PPIG: variants seen among roughly 807,000 people sequenced by gnomAD.
The protein encoded by PPIG is peptidyl-prolyl cis-trans isomerase G.
PPIG carries 26 observed loss-of-function variants against 87.9 expected under a neutral mutation model. The ratio of observed to expected loss-of-function variants is 0.30; its 90% CI spans 0.22 to 0.41. PPIG has a LOEUF of 0.41. Among genes scored for constraint, PPIG ranks in the 10% least tolerant of loss-of-function variants. The pLI, the probability that PPIG is intolerant of heterozygous loss-of-function variation, is 1.00. For synonymous variants in PPIG, 308 were observed against 276.5 expected (o/e 1.11, Z -1.13); for missense variants, 722 against 879.4 (o/e 0.82, Z 2.26).
At chr2:169,608,555 T>C in intron 6 of PPIG, 116 bp from the exon 7 acceptor site, 1 of 545,540 alleles carries the variant, frequency 1.8e-6, no homozygotes, top group Non-Finnish European at 3.3e-6. Context: ...CTAACTTTAT[T>C]ATCTAAGTAA....
chr2:169,588,401 C>A (rs1684765660), intron 1 of PPIG, among the ~76,000 whole-genome samples: 1 of 152,068 alleles, frequency 6.6e-6, no homozygotes, highest in Non-Finnish European at 1.5e-5. Context: ...AGTACTAAAT[C>A]AGAACTTTTG....
chr2:169,604,323 C>A, intron 4 of PPIG, 62 bp downstream of exon 4: 1 of 572,882 alleles, frequency 1.7e-6, no homozygotes, highest in Non-Finnish European at 2.7e-6. Context: ...TGCTTGCTTG[C>A]TTGGTTTTTT....
chr2:169,596,536 G>A (rs1685021583), intron 1 of PPIG, among the ~76,000 whole-genome samples: 1 of 152,196 alleles, frequency 6.6e-6, no homozygotes, highest in African/African-American at 2.4e-5. Context: ...CAGTGAGGCA[G>A]GAAAGCGGAG....
intron 4 of PPIG, 30 bp downstream of exon 4, chr2:169,604,291 G>A (rs1685259516): frequency 8.8e-7 from 1 of 1,141,088 alleles, no homozygotes; most frequent in Non-Finnish European, 1.3e-6. Flanking sequence ...TGCCCTAATA[G>A]TAGTCTCAGT....
chr2:169,584,874 A>T (rs1396790625), intron 1 of PPIG: 1 of 268,838 alleles, frequency 3.7e-6, no homozygotes, highest in African/African-American at 2.4e-5. Flanking sequence ...AAGCTTCAAA[A>T]TCCTAAGACT....
intron 1 of PPIG, among the ~76,000 whole-genome samples, chr2:169,588,073 G>C (rs1329501118): frequency 6.6e-6 from 1 of 152,124 alleles, no homozygotes; most frequent in Non-Finnish European, 1.5e-5. Flanking sequence ...GCTGAGGCAG[G>C]AGAATCGCTT....
intron 1 of PPIG, among the ~76,000 whole-genome samples, chr2:169,594,681 G>T (rs1186862510): frequency 6.9e-6 from 1 of 145,660 alleles, no homozygotes; most frequent in Non-Finnish European, 1.5e-5. Context: ...CTGGAGTGCA[G>T]TGGCACAATC....
intron 1 of PPIG, among the ~76,000 whole-genome samples, chr2:169,592,949 G>C (rs541677826): frequency 4.6e-5 from 7 of 152,092 alleles, no homozygotes; most frequent in Non-Finnish European, 1.0e-4. Context: ...GATTTGTGTA[G>C]TAATTTTAAT....
chr2:169,606,216 A>G (rs776416988), intron 5 of PPIG, 70 bp downstream of exon 5: 4 of 1,117,758 alleles, frequency 3.6e-6, no homozygotes, highest in Admixed American at 1.8e-5. Flanking sequence ...ACAAGTCCCT[A>G]GAAGTTTTAG....
At chr2:169,612,493 C>T (rs2683441) in intron 7 of PPIG, among the ~76,000 whole-genome samples, 61,059 of 151,054 alleles carry the variant, frequency 0.4, 12,939 homozygotes, top group East Asian at 0.58. Flanking sequence ...ACGCCATTCT[C>T]CTGCCTCAGC....
At position 169,636,828 on chromosome 2, in the gene PPIG, G is replaced by A. The variant is rs1433782962; in HGVS notation, c.1570G>A (p.Glu524Lys). The change falls in exon 14 of 14, where the codon GAA becomes AAA. Residue 524 changes from glutamate (E) to lysine (K), a missense_variant. Glu to Lys is a moderately conservative substitution (Grantham distance 56, BLOSUM62 1). Transcript: ENST00000260970. ...SRSKEKSKQL[E>K]SKSNEHDHSK... is the part of the protein sequence containing the mutation. ...AAGTAAAGAGAAGTCTAAACAGTTA[G>A]AATCAAAGAGTAATGAGCATGATCA... The A allele has an allele frequency of 6.2e-7, 1 of 1,613,586 alleles. No individual in the cohort carries two copies.
chr2:169,607,594 C>G (rs190279375), intron 6 of PPIG, among the ~76,000 whole-genome samples: 260 of 152,122 alleles, frequency 1.7e-3, no homozygotes, highest in African/African-American at 5.9e-3. Flanking sequence ...GATGTGAAGA[C>G]CATTTGGAAA....
chr2:169,590,496 G>A (rs1196394481), intron 1 of PPIG, among the ~76,000 whole-genome samples: 2 of 152,082 alleles, frequency 1.3e-5, no homozygotes, highest in African/African-American at 4.8e-5. Flanking sequence ...CAAAAAATTA[G>A]CCGGGCGTGG....
In PPIG at chr2:169,636,402, T is replaced by G; in HGVS notation, c.1155-11T>G. On this transcript the variant is annotated splice_polypyrimidine_tract_variant and intron_variant, in intron 13 of 13. Coordinates refer to ENST00000260970, the MANE Select transcript of PPIG (RefSeq NM_004792.3). Reference sequence around the variant, plus strand: ...AATAACATTTCCCCAATTCTTTTTCTTATTTTTTAGGAGTGAGTTGAATGA... The same window carrying G: ...AATAACATTTCCCCAATTCTTTTTCGTATTTTTTAGGAGTGAGTTGAATGA... 1 of 1,510,628 alleles carries G rather than the reference T, an allele frequency of 6.6e-7. No individual in the cohort carries two copies. The highest frequency in any genetic ancestry group is 8.9e-7 in the Non-Finnish European group (1 of 1,127,144). The allele number at this position is 1,510,628 out of a possible 1,614,324, so 93.6% of individuals were successfully genotyped here.
intron 9 of PPIG, among the ~76,000 whole-genome samples, chr2:169,622,926 T>G (rs1400628888): frequency 6.6e-6 from 1 of 152,144 alleles, no homozygotes; most frequent in African/African-American, 2.4e-5. Context: ...TATGAGAGAT[T>G]TACACCTGTT....
intron 7 of PPIG, 32 bp from the exon 8 acceptor site, chr2:169,614,431 GT>G: frequency 6.6e-7 from 1 of 1,509,886 alleles, no homozygotes; most frequent in Non-Finnish European, 9.0e-7. Context: ...CTCTGACTTT[GT>G]TTTTATTCTT....
At chr2:169,603,821 A>G (rs1264022208) in intron 2 of PPIG, 127 bp downstream of exon 2, 1 of 564,428 alleles carries the variant, frequency 1.8e-6, no homozygotes, top group Non-Finnish European at 3.1e-6. Flanking sequence ...TTAACTTTCA[A>G]GTCTTTTCTA....
At chr2:169,597,616 A>T (rs560170119) in intron 1 of PPIG, among the ~76,000 whole-genome samples, 3 of 150,784 alleles carry the variant, frequency 2.0e-5, no homozygotes, top group Non-Finnish European at 4.4e-5. Flanking sequence ...CTGTGCCTCA[A>T]CCTCCCGAGT....
chr2:169,590,355 T>C (rs1444122595), intron 1 of PPIG, among the ~76,000 whole-genome samples: 1 of 151,870 alleles, frequency 6.6e-6, no homozygotes, highest in Non-Finnish European at 1.5e-5. Flanking sequence ...CCTTAGAAAG[T>C]CAGGGCCTGG....
Sources: gnomAD v4.1 joint callset for allele counts (sites outside exome capture counted in the v4.1 genomes callset) on GRCh38, gnomAD v4.1.1 for gene constraint, MANE v1.5 for transcripts, NCBI Gene and HGNC (gene_info 2026-07-23, HGNC 2026-07-21) for gene names.